The following FSTL5 variants were observed in gnomAD, a reference collection of about 807,000 sequenced individuals.
The protein encoded by FSTL5 is follistatin-related protein 5.
FSTL5 carries 62 observed loss-of-function variants against 89.1 expected under a neutral mutation model. The ratio of observed to expected loss-of-function variants is 0.70; its 90% CI spans 0.57 to 0.86. The LOEUF is 0.86. Ranked by LOEUF, FSTL5 falls within the 40% of genes least tolerant of loss-of-function variation. The pLI, the probability that FSTL5 is intolerant of heterozygous loss-of-function variation, is 0.00. For missense variants in FSTL5, 1,057 were observed against 1,001.6 expected (o/e 1.06, Z -0.75); for synonymous variants, 383 against 346.2 (o/e 1.11, Z -1.18).
chr4:161,581,625 T>C (rs931550114), intron 8 of FSTL5, among the ~76,000 whole-genome samples: 1 of 152,236 alleles, frequency 6.6e-6, no homozygotes, highest in African/African-American at 2.4e-5. Context: ...GCTTTGTATC[T>C]GTATATCTGG....
At chr4:161,641,159 G>T (rs1316954244) in intron 7 of FSTL5, among the ~76,000 whole-genome samples, 1 of 152,074 alleles carries the variant, frequency 6.6e-6, no homozygotes, top group South Asian at 2.1e-4. Flanking sequence ...AGGGAGCTCT[G>T]CAGGGTGAAA....
intron 6 of FSTL5, among the ~76,000 whole-genome samples, chr4:161,701,374 T>G (rs560681758): frequency 4.3e-4 from 66 of 152,280 alleles, no homozygotes; most frequent in African/African-American, 1.3e-3. Flanking sequence ...ATTATTATTT[T>G]GCATTCTCTA....
intron 15 of FSTL5, among the ~76,000 whole-genome samples, chr4:161,448,351 C>T (rs1365780886): frequency 6.6e-6 from 1 of 152,082 alleles, no homozygotes; most frequent in Non-Finnish European, 1.5e-5. Context: ...GGGATTTCAA[C>T]GTAACCACAG....
At chr4:161,428,623 A>G (rs1396517549) in intron 15 of FSTL5, among the ~76,000 whole-genome samples, 1 of 152,194 alleles carries the variant, frequency 6.6e-6, no homozygotes, top group African/African-American at 2.4e-5. Context: ...ACCCTGGGCC[A>G]GAAGGGAAAC....
chr4:161,564,560 T>C (rs1274604099), intron 8 of FSTL5, among the ~76,000 whole-genome samples: 2 of 151,474 alleles, frequency 1.3e-5, no homozygotes, highest in African/African-American at 4.8e-5. Flanking sequence ...TTGCTTTCAA[T>C]AAACAATTTA....
intron 15 of FSTL5, among the ~76,000 whole-genome samples, chr4:161,393,067 G>A (rs747643431): frequency 2.0e-5 from 3 of 151,946 alleles, no homozygotes; most frequent in Non-Finnish European, 4.4e-5. Context: ...GGGAGGCTGC[G>A]GTGGGAGAAT....
intron 6 of FSTL5, among the ~76,000 whole-genome samples, chr4:161,679,641 T>C (rs1737449769): frequency 1.3e-5 from 2 of 151,874 alleles, no homozygotes; most frequent in South Asian, 4.1e-4. Flanking sequence ...CACAGTATAA[T>C]TGTTAATAGG....
intron 15 of FSTL5, among the ~76,000 whole-genome samples, chr4:161,397,250 A>T (rs28454217): frequency 2.6e-5 from 4 of 152,088 alleles, no homozygotes; most frequent in Non-Finnish European, 5.9e-5. Flanking sequence ...GTATATATAC[A>T]TGCACATAAA....
intron 13 of FSTL5, 40 bp downstream of exon 13, chr4:161,480,980 T>G: frequency 7.2e-7 from 1 of 1,389,538 alleles, no homozygotes; most frequent in Non-Finnish European, 1.0e-6. Flanking sequence ...ATAAATATTT[T>G]TTAAAGATTT....
At chr4:161,456,311 G>C (rs1175900282) in intron 14 of FSTL5, among the ~76,000 whole-genome samples, 1 of 152,080 alleles carries the variant, frequency 6.6e-6, no homozygotes, top group Non-Finnish European at 1.5e-5. Flanking sequence ...AATAAATTAT[G>C]ATAAATCCTT....
intron 1 of FSTL5, among the ~76,000 whole-genome samples, chr4:162,127,739 A>G (rs2111449674): frequency 6.6e-6 from 1 of 152,248 alleles, no homozygotes; most frequent in African/African-American, 2.4e-5. Context: ...GAAAATCTGG[A>G]AGACAGAAAA....
chr4:161,488,324 C>T (rs1272207296), intron 12 of FSTL5, among the ~76,000 whole-genome samples: 1 of 152,060 alleles, frequency 6.6e-6, no homozygotes, highest in Admixed American at 6.6e-5. Context: ...ATTTGTGCCA[C>T]ATTGACACAC....
chr4:161,835,265 A>G (rs1730997670), intron 4 of FSTL5, among the ~76,000 whole-genome samples: 1 of 152,112 alleles, frequency 6.6e-6, no homozygotes, highest in Non-Finnish European at 1.5e-5. Context: ...GAAAGCTGAA[A>G]CTGGATCCCT....
At chr4:161,646,415 T>C (rs1736156408) in intron 7 of FSTL5, among the ~76,000 whole-genome samples, 1 of 151,576 alleles carries the variant, frequency 6.6e-6, no homozygotes, top group African/African-American at 2.4e-5. Context: ...CTCTGAAATC[T>C]AGATATGATT....
At chr4:161,997,409 AG>A (rs1414837199) in intron 3 of FSTL5, among the ~76,000 whole-genome samples, 1 of 152,168 alleles carries the variant, frequency 6.6e-6, no homozygotes, top group East Asian at 1.9e-4. Context: ...TAAAGAACCT[AG>A]GTAATTTACA....
intron 4 of FSTL5, among the ~76,000 whole-genome samples, chr4:161,783,693 T>G (rs1166631147): frequency 3.7e-5 from 1 of 26,808 alleles, no homozygotes; most frequent in South Asian, 1.6e-3. Context: ...CTTTCTTTCT[T>G]TCTTTCTTTC....
At chr4:161,891,743 C>T (rs75327050) in intron 4 of FSTL5, among the ~76,000 whole-genome samples, 6,027 of 152,074 alleles carry the variant, frequency 0.04, 191 homozygotes, top group East Asian at 0.15. Flanking sequence ...ATTTATCCAG[C>T]TTGGAATCTC....
chr4:161,794,926 T>C (rs1729588688), intron 4 of FSTL5, among the ~76,000 whole-genome samples: 1 of 152,106 alleles, frequency 6.6e-6, no homozygotes. Context: ...AACTAGCTTA[T>C]TGAAGAAACT....
intron 8 of FSTL5, among the ~76,000 whole-genome samples, chr4:161,548,815 T>A (rs1283062536): frequency 6.6e-6 from 1 of 151,838 alleles, no homozygotes; most frequent in Non-Finnish European, 1.5e-5. Context: ...ATTGTATAAT[T>A]TTCAAATGAT....
Sources: gnomAD v4.1 joint callset for allele counts (sites outside exome capture counted in the v4.1 genomes callset) on GRCh38, gnomAD v4.1.1 for gene constraint, MANE v1.5 for transcripts, NCBI Gene and HGNC (gene_info 2026-07-23, HGNC 2026-07-21) for gene names.